The following PIERCE1 variants were observed in gnomAD, a reference collection of about 807,000 sequenced individuals.
The protein encoded by PIERCE1 is piercer of microtubule wall 1 protein.
the PIERCE1 span, chr9:135,495,525 T>C: frequency 6.2e-7 from 1 of 1,614,152 alleles, no homozygotes; most frequent in African/African-American, 1.3e-5. Flanking sequence ...ACGATGCTTT[T>C]CTCCAGGTAA....
At chr9:135,498,566 G>C in the PIERCE1 span, 1 of 1,610,680 alleles carries the variant, frequency 6.2e-7, no homozygotes, top group Non-Finnish European at 8.5e-7. This position sits in a 1 kb window ranked among gnomAD's most constrained non-coding sequence, Gnocchi z 4.1. Flanking sequence ...CCCCATGCCC[G>C]GTCTTGCATC....
chr9:135,496,454 G>A, the PIERCE1 span, among the ~76,000 whole-genome samples: 2 of 152,220 alleles, frequency 1.3e-5, no homozygotes, highest in South Asian at 2.1e-4. Flanking sequence ...TACCCCATAC[G>A]GGTGACCTGT....
chr9:135,498,550 C>G, the PIERCE1 span: 1 of 1,604,222 alleles, frequency 6.2e-7, no homozygotes, highest in Non-Finnish European at 8.5e-7. This position sits in a 1 kb window ranked among gnomAD's most constrained non-coding sequence, Gnocchi z 4.1. Context: ...CCACCCACCC[C>G]CTGCCCCCCA....
the PIERCE1 span, chr9:135,495,434 C>T: frequency 6.2e-7 from 1 of 1,613,168 alleles, no homozygotes; most frequent in African/African-American, 1.3e-5. Flanking sequence ...CCCTCAATCG[C>T]AGATGGATGG....
chr9:135,495,466 G>A, the PIERCE1 span: 1 of 1,614,090 alleles, frequency 6.2e-7, no homozygotes. Context: ...TGTAACTGGG[G>A]TGGAAGTTGA....
the PIERCE1 span, among the ~76,000 whole-genome samples, chr9:135,497,423 T>C: frequency 1.3e-5 from 2 of 151,524 alleles, no homozygotes; most frequent in Non-Finnish European, 2.9e-5. Flanking sequence ...TTTTTGTTTG[T>C]TTGCTTGTTT....
At chr9:135,498,086 G>A in the PIERCE1 span, among the ~76,000 whole-genome samples, 1 of 152,174 alleles carries the variant, frequency 6.6e-6, no homozygotes, top group South Asian at 2.1e-4. The surrounding 1 kb of genome is among the most constrained non-coding windows in gnomAD (Gnocchi z 4.1). Context: ...AAAGGGTTTG[G>A]CTTCCCCAAT....
chr9:135,498,537 A>G, the PIERCE1 span: 1 of 1,565,030 alleles, frequency 6.4e-7, no homozygotes. The surrounding 1 kb of genome is among the most constrained non-coding windows in gnomAD (Gnocchi z 4.1). Flanking sequence ...CCTCTTCTTG[A>G]GGCCACCCAC....
chr9:135,495,629 A>C, the PIERCE1 span: 3 of 1,595,330 alleles, frequency 1.9e-6, no homozygotes, highest in Non-Finnish European at 2.6e-6. Context: ...TAAGAGATAA[A>C]GGAACACGGA....
the PIERCE1 span, chr9:135,499,359 C>A: frequency 1.9e-6 from 1 of 536,272 alleles, no homozygotes; most frequent in Middle Eastern, 2.8e-4. Flanking sequence ...TCAGAGCTGG[C>A]TGAGTCTACA....
chr9:135,496,884 G>A, the PIERCE1 span, among the ~76,000 whole-genome samples: 1,960 of 143,522 alleles, frequency 0.014, 37 homozygotes, highest in African/African-American at 0.049. Context: ...TGCAACCTTC[G>A]CCTCTGGGTT....
At chr9:135,499,501 C>G in the PIERCE1 span, 2 of 752,974 alleles carry the variant, frequency 2.7e-6, no homozygotes, top group Non-Finnish European at 4.8e-6. Context: ...ACGGCCCTGC[C>G]CCCCACTGCC....
chr9:135,499,801 G>A, the PIERCE1 span: 1 of 1,603,660 alleles, frequency 6.2e-7, no homozygotes, highest in Non-Finnish European at 8.5e-7. Flanking sequence ...GCGGGGCCGT[G>A]GCCTTGGGCG....
chr9:135,495,619 T>C, the PIERCE1 span: 13 of 1,609,594 alleles, frequency 8.1e-6, no homozygotes, highest in Admixed American at 2.2e-4. Flanking sequence ...ATACTTTCTA[T>C]AAGAGATAAA....
the PIERCE1 span, among the ~76,000 whole-genome samples, chr9:135,497,868 A>C: frequency 6.6e-6 from 1 of 152,220 alleles, no homozygotes; most frequent in Non-Finnish European, 1.5e-5. Context: ...CCACACAACT[A>C]AATAAGCACT....
the PIERCE1 span, chr9:135,499,680 C>T: frequency 5.6e-6 from 9 of 1,605,530 alleles, no homozygotes; most frequent in Non-Finnish European, 7.6e-6. Context: ...CAGTGGACGC[C>T]AGGACCAGGC....
the PIERCE1 span, among the ~76,000 whole-genome samples, chr9:135,498,256 G>A: frequency 6.6e-6 from 1 of 152,082 alleles, no homozygotes; most frequent in Non-Finnish European, 1.5e-5. This position sits in a 1 kb window ranked among gnomAD's most constrained non-coding sequence, Gnocchi z 4.1. Context: ...AGCACCGTAA[G>A]TTGCAGGAGA....
the PIERCE1 span, chr9:135,498,666 G>C: frequency 6.2e-7 from 1 of 1,613,218 alleles, no homozygotes; most frequent in African/African-American, 1.3e-5. This position sits in a 1 kb window ranked among gnomAD's most constrained non-coding sequence, Gnocchi z 4.1. Flanking sequence ...TCTGGGTCCT[G>C]GTAGATGAGA....
the PIERCE1 span, chr9:135,498,476 T>A: frequency 1.1e-6 from 1 of 884,260 alleles, no homozygotes; most frequent in Non-Finnish European, 1.8e-6. The surrounding 1 kb of genome is among the most constrained non-coding windows in gnomAD (Gnocchi z 4.1). Flanking sequence ...CCTCCCTGGG[T>A]GCACCCCTCC....
Sources: allele counts gnomAD v4.1 joint callset (sites outside exome capture counted in the v4.1 genomes callset), GRCh38; gene constraint gnomAD v4.1.1; non-coding constraint Gnocchi (gnomAD v3.1); transcripts MANE v1.5; gene names NCBI Gene and HGNC (gene_info 2026-07-23, HGNC 2026-07-21).